Variants in POLA2 observed in about 807,000 individuals in gnomAD.
POLA2 encodes the protein DNA polymerase alpha subunit B.
POLA2 carries 47 observed loss-of-function variants against 82.8 expected under a neutral mutation model. The observed-to-expected ratio is 0.57, with a 90% CI of 0.45 to 0.72. The LOEUF (loss-of-function observed/expected upper bound fraction) is 0.72, where lower values mean the gene tolerates loss of function less well. Among genes scored for constraint, POLA2 ranks in the 30% least tolerant of loss-of-function variants. The probability of loss-of-function intolerance (pLI) is 0.00; values close to 1 mark genes in which losing one functional copy is unlikely to be tolerated. For missense variants in POLA2, 634 were observed against 728.1 expected, an observed-to-expected ratio of 0.87 and a Z score of 1.49; for synonymous variants, 287 against 286.8, an observed-to-expected ratio of 1.00 and a Z score of -0.01.
chr11:65,263,220 C>CTTTTTTTT (rs547474910), intron 1 of POLA2, among the ~76,000 whole-genome samples: 1 of 123,202 alleles, frequency 8.1e-6, no homozygotes, highest in Non-Finnish European at 1.7e-5. Flanking sequence ...CTCTCTCTCT[C>CTTTTTTTT]TTTTTTTTTT....
downstream of POLA2, among the ~76,000 whole-genome samples, chr11:65,299,377 C>T (rs981969161): frequency 4.6e-5 from 7 of 152,248 alleles, no homozygotes; most frequent in South Asian, 2.1e-4. Flanking sequence ...CTCCCTTACC[C>T]GCCTCGTGGC....
At chr11:65,287,475 G>C (rs554739960) in intron 10 of POLA2, 20 of 356,840 alleles carry the variant, frequency 5.6e-5, no homozygotes, top group African/African-American at 4.2e-4. Context: ...CATGTGCACA[G>C]CTCATAAAGT....
At chr11:65,293,758 G>A (rs1316245286) in intron 13 of POLA2, among the ~76,000 whole-genome samples, 2 of 152,158 alleles carry the variant, frequency 1.3e-5, no homozygotes, top group Admixed American at 1.3e-4. Flanking sequence ...AAGGTGTAAT[G>A]AGTCCAAGCT....
intron 17 of POLA2, chr11:65,296,192 T>C (rs772347379): frequency 3.5e-6 from 2 of 573,630 alleles, no homozygotes; most frequent in Non-Finnish European, 6.3e-6. Flanking sequence ...GAGTAAACAG[T>C]GTCCTCTCCT....
downstream of POLA2, among the ~76,000 whole-genome samples, chr11:65,299,030 T>G (rs1397814275): frequency 4.6e-5 from 7 of 152,200 alleles, no homozygotes; most frequent in Non-Finnish European, 8.8e-5. Flanking sequence ...ACCAGACAGT[T>G]CCTTTTTGCT....
At chr11:65,263,665 T>TA (rs2137480377) in intron 1 of POLA2, among the ~76,000 whole-genome samples, 1 of 151,992 alleles carries the variant, frequency 6.6e-6, no homozygotes, top group South Asian at 2.1e-4. Flanking sequence ...CTGTCTCTAC[T>TA]AAAAATACAA....
chr11:65,279,789 TA>T lies in POLA2; in HGVS notation c.744+165del, dbSNP rs1949621287. Reference sequence around the variant, plus strand: ...ATGGGCCCTTCTGAAGAAAGATTTGTAAGTGCTGTCTGGTTTTGTGGCCAGA... The same window carrying T: ...ATGGGCCCTTCTGAAGAAAGATTTGTAGTGCTGTCTGGTTTTGTGGCCAGA... On this transcript the variant is annotated intron_variant, in intron 7 of 17. Transcript: ENST00000265465. 3 of 565,848 alleles carry T rather than the reference TA, an allele frequency of 5.3e-6. No homozygotes were observed. The East Asian group carries it at 9.2e-5, about 17-fold the overall frequency. The allele number at this position is 565,848 out of a possible 1,614,324, so 35.1% of individuals were successfully genotyped here.
chr11:65,290,899 G>A (rs190044923), intron 13 of POLA2, among the ~76,000 whole-genome samples: 5 of 152,362 alleles, frequency 3.3e-5, no homozygotes, highest in Admixed American at 2.6e-4. Flanking sequence ...GGGTGCGTGG[G>A]AAGCTGCCAG....
At chr11:65,289,180 C>T in intron 12 of POLA2, 92 bp downstream of exon 12, 1 of 966,922 alleles carries the variant, frequency 1.0e-6, no homozygotes, top group Non-Finnish European at 1.6e-6. Flanking sequence ...ACATCTGTAA[C>T]AAACACATTA....
At chr11:65,265,183 C>T (rs191454123) in intron 1 of POLA2, among the ~76,000 whole-genome samples, 3 of 150,740 alleles carry the variant, frequency 2.0e-5, no homozygotes, top group African/African-American at 7.3e-5. Flanking sequence ...GAGCCGAGAT[C>T]GTGCCACTGC....
downstream of POLA2, chr11:65,305,627 T>C: frequency 5.6e-6 from 2 of 354,218 alleles, no homozygotes; most frequent in Non-Finnish European, 1.1e-5. Flanking sequence ...TCAGCTATGA[T>C]GACACCATTG....
chr11:65,297,356 G>A lies in POLA2; in HGVS notation c.*87G>A. On this transcript the variant is annotated 3_prime_UTR_variant, in exon 18 of 18. Coordinates refer to ENST00000265465, the MANE Select transcript of POLA2 (RefSeq NM_002689.4). ...ACATAGCCCTGTGACAAGGTGAACA[G>A]TTGGGTGGGAAAGGAGAGAGGAGCC... 1.4e-6 allele frequency: 2 copies of A among 1,441,616 alleles called. No homozygotes were observed. Among genetic ancestry groups the A allele is most frequent in the South Asian group, 1.4e-5 (1 of 69,458 alleles). 89.3% of individuals were successfully genotyped at this position (1,441,616 alleles called of 1,614,324 possible).
At chr11:65,289,530 C>T (rs966883756) in intron 12 of POLA2, among the ~76,000 whole-genome samples, 2 of 152,242 alleles carry the variant, frequency 1.3e-5, no homozygotes, top group Non-Finnish European at 2.9e-5. Flanking sequence ...CTTCGTCTCA[C>T]GATACTTTAC....
chr11:65,276,600 G>A (rs1440220806), intron 5 of POLA2, among the ~76,000 whole-genome samples: 4 of 151,984 alleles, frequency 2.6e-5, no homozygotes, highest in South Asian at 2.1e-4. Flanking sequence ...TAAATGACAC[G>A]TCTCATATTA....
In POLA2 at chr11:65,266,800, C is replaced by T. The variant is rs1590890057; in HGVS notation, c.204+94C>T. The T allele has an allele frequency of 1.3e-5, 17 of 1,328,850 alleles. No individual in the cohort carries two copies. The South Asian group carries it at 1.6e-4, about 13-fold the overall frequency. The allele number at this position is 1,328,850 out of a possible 1,614,324, so 82.3% of individuals were successfully genotyped here. A position where few individuals can be genotyped will look rare whatever the true frequency, so the allele number is the denominator to read the frequency against. ...ATATATTGAGAGGAGTGTGGGCTTT[C>T]GAGTCAGGCCTGGATTCCAGTCCCA... On this transcript the variant is annotated intron_variant, in intron 2 of 17. Coordinates refer to ENST00000265465, the MANE Select transcript of POLA2 (RefSeq NM_002689.4).
intron 5 of POLA2, among the ~76,000 whole-genome samples, chr11:65,277,971 A>G (rs1244936093): frequency 1.3e-5 from 2 of 152,376 alleles, no homozygotes; most frequent in Non-Finnish European, 1.5e-5. Context: ...ATGGTGCCCC[A>G]CATAAAACTG....
At chr11:65,272,733 C>T (rs1389783208) in intron 4 of POLA2, among the ~76,000 whole-genome samples, 1 of 152,178 alleles carries the variant, frequency 6.6e-6, no homozygotes, top group African/African-American at 2.4e-5. Context: ...ATGAAACCGG[C>T]CACTGCGGTG....
intron 10 of POLA2, among the ~76,000 whole-genome samples, chr11:65,283,336 A>C (rs1323940389): frequency 1.3e-5 from 2 of 152,112 alleles, no homozygotes; most frequent in Non-Finnish European, 2.9e-5. Flanking sequence ...TTAATGCCTT[A>C]ATTTTGACAA....
intron 17 of POLA2, chr11:65,296,326 A>C: frequency 4.2e-6 from 1 of 239,188 alleles, no homozygotes; most frequent in Non-Finnish European, 8.5e-6. Context: ...TCTGCCTCCC[A>C]AATTCTGATA....
Sources: allele counts gnomAD v4.1 joint callset (sites outside exome capture counted in the v4.1 genomes callset), GRCh38; gene constraint gnomAD v4.1.1; transcripts MANE v1.5; gene names NCBI Gene and HGNC (gene_info 2026-07-23, HGNC 2026-07-21).